Variants in MAPK10 observed in about 807,000 individuals in gnomAD.
MAPK10 encodes the protein JNK3 alpha protein kinase.
Under a neutral mutation model 59.3 loss-of-function variants are expected in MAPK10, and 25 were observed. The ratio of observed to expected loss-of-function variants is 0.42; its 90% CI spans 0.31 to 0.59. The LOEUF (loss-of-function observed/expected upper bound fraction) is 0.59, where lower values mean the gene tolerates loss of function less well. MAPK10 is among the 20% of genes least tolerant of loss of function. The pLI, the probability that MAPK10 is intolerant of heterozygous loss-of-function variation, is 0.15. For missense variants in MAPK10, 351 were observed against 568.9 expected (o/e 0.62, Z 3.90); for synonymous variants, 190 against 200.5 (o/e 0.95, Z 0.44).
At chr4:86,289,369 A>G (rs1427425789) in intron 2 of MAPK10, among the ~76,000 whole-genome samples, 2 of 152,094 alleles carry the variant, frequency 1.3e-5, no homozygotes, top group Admixed American at 1.3e-4. Flanking sequence ...CAGAAAAATT[A>G]TATGATCAGA....
chr4:86,505,134 C>T lies in MAPK10; in HGVS notation c.-263+88776G>A, dbSNP rs1390323753. On this transcript the variant is annotated intron_variant, in intron 1 of 4. Transcript: ENST00000502302. ...CTTCACCTGTTTCTGGAACTTTTCCCTGGCTAGCCAACAGCACATTCTTAT... is the reference window on the plus strand; with the variant it reads ...CTTCACCTGTTTCTGGAACTTTTCCTTGGCTAGCCAACAGCACATTCTTAT... Among the ~76,000 whole-genome samples the T allele has an allele frequency of 3.9e-5, 6 of 152,144 alleles. No homozygotes were observed. The East Asian group carries it at 1.2e-3, about 29-fold the overall frequency.
intron 3 of MAPK10, among the ~76,000 whole-genome samples, chr4:86,186,784 G>A (rs1903363): frequency 0.085 from 12,905 of 152,118 alleles, 1,216 homozygotes; most frequent in African/African-American, 0.23. Flanking sequence ...TGACAACAGG[G>A]TTAAGTTAGA....
chr4:86,417,138 T>C (rs567450829), intron 1 of MAPK10, among the ~76,000 whole-genome samples: 1 of 152,374 alleles, frequency 6.6e-6, no homozygotes, highest in Non-Finnish European at 1.5e-5. Flanking sequence ...TCAATTTTCT[T>C]TCTCTTTTAT....
intron 4 of MAPK10, among the ~76,000 whole-genome samples, chr4:86,127,182 A>G (rs1365821179): frequency 7.1e-6 from 1 of 140,218 alleles, no homozygotes; most frequent in African/African-American, 2.7e-5. Context: ...TAAAGTTGTT[A>G]GGAGAATTAA....
intron 8 of MAPK10, chr4:86,099,769 G>A (rs566307639): frequency 6.6e-6 from 1 of 152,294 alleles, no homozygotes; most frequent in South Asian, 2.1e-4. Flanking sequence ...GTACATTCTT[G>A]ATTCTTGACT....
chr4:86,150,797 G>C (rs1026159886), intron 4 of MAPK10, among the ~76,000 whole-genome samples: 3 of 152,194 alleles, frequency 2.0e-5, no homozygotes, highest in Admixed American at 6.5e-5. Flanking sequence ...GGGAGGTGGA[G>C]CTTGCAGTGA....
chr4:86,118,163 G>A (rs73837408), intron 4 of MAPK10, among the ~76,000 whole-genome samples: 7,498 of 152,254 alleles, frequency 0.049, 617 homozygotes, highest in African/African-American at 0.17. Context: ...TAATTCCTCA[G>A]TGATTACTGG....
At chr4:86,117,185 G>C (rs1211080442) in intron 4 of MAPK10, among the ~76,000 whole-genome samples, 1 of 152,188 alleles carries the variant, frequency 6.6e-6, no homozygotes, top group Non-Finnish European at 1.5e-5. Flanking sequence ...GAGGCAGGAG[G>C]ATTGCTTGAG....
Position 86,565,718 on chromosome 4 carries a change from T to C in MAPK10, c.-263+28192A>G, listed in dbSNP as rs77466723. ...TTAGATTTAGCTTGCATACAATATT[T>C]TGTGCTTATCTCAACTCCATCTTCC... On this transcript the variant is annotated intron_variant, in intron 1 of 4. Transcript: ENST00000502302. 1.1e-4 allele frequency among the ~76,000 whole-genome samples: 17 copies of C among 152,350 alleles called. No homozygotes were observed. In the East Asian group the frequency reaches 3.1e-3, roughly 28 times the overall value.
intron 2 of MAPK10, among the ~76,000 whole-genome samples, chr4:86,198,839 G>A (rs1313374125): frequency 6.6e-6 from 1 of 151,664 alleles, no homozygotes; most frequent in Non-Finnish European, 1.5e-5. Context: ...AAAATTTATT[G>A]AGAATCTATA....
chr4:86,412,366 T>G (rs751867570), intron 1 of MAPK10, among the ~76,000 whole-genome samples: 2 of 152,194 alleles, frequency 1.3e-5, no homozygotes, highest in African/African-American at 2.4e-5. Flanking sequence ...GTGAATCTGA[T>G]GATTATGTGT....
intron 1 of MAPK10, among the ~76,000 whole-genome samples, chr4:86,482,957 T>C (rs867219352): frequency 2.2e-4 from 34 of 152,306 alleles, no homozygotes; most frequent in African/African-American, 7.5e-4. Context: ...AAAGAGCTGA[T>C]TGTAGGATTT....
At chr4:86,181,235 A>G (rs2076874936) in intron 3 of MAPK10, among the ~76,000 whole-genome samples, 1 of 152,022 alleles carries the variant, frequency 6.6e-6, no homozygotes, top group South Asian at 2.1e-4. Flanking sequence ...GAATGGTAAA[A>G]TCAATAATCA....
intron 13 of MAPK10, among the ~76,000 whole-genome samples, chr4:86,022,954 C>A (rs1034788957): frequency 2.6e-5 from 4 of 152,110 alleles, no homozygotes; most frequent in Non-Finnish European, 5.9e-5. Flanking sequence ...TATGAAATAG[C>A]ATTTATCTGT....
At chr4:86,369,816 C>A (rs1042704729) in intron 1 of MAPK10, among the ~76,000 whole-genome samples, 4 of 152,154 alleles carry the variant, frequency 2.6e-5, no homozygotes, top group Non-Finnish European at 5.9e-5. Flanking sequence ...TGCATAAATA[C>A]TTTCAAAGCT....
intron 4 of MAPK10, chr4:86,127,837 T>C (rs1221676591): frequency 6.6e-5 from 10 of 152,158 alleles, no homozygotes; most frequent in Admixed American, 6.6e-4. Flanking sequence ...GCATTCATTT[T>C]AGCAGAGATC....
intron 3 of MAPK10, chr4:86,160,470 C>T (rs1197351362): frequency 6.6e-6 from 1 of 151,952 alleles, no homozygotes; most frequent in Non-Finnish European, 1.5e-5. Context: ...GAAAATTAAA[C>T]AATCTATGCC....
chr4:86,187,561 A>G (rs2078554865), intron 3 of MAPK10, among the ~76,000 whole-genome samples: 1 of 152,174 alleles, frequency 6.6e-6, no homozygotes, highest in African/African-American at 2.4e-5. Flanking sequence ...GAAACCACAG[A>G]TAAGGGGGGA....
At chr4:86,372,145 T>C (rs1738863573) in intron 1 of MAPK10, among the ~76,000 whole-genome samples, 1 of 152,066 alleles carries the variant, frequency 6.6e-6, no homozygotes, top group Non-Finnish European at 1.5e-5. Flanking sequence ...AAAACACTCC[T>C]CAACAAATGC....
Sources: gnomAD v4.1 joint callset for allele counts (sites outside exome capture counted in the v4.1 genomes callset) on GRCh38, gnomAD v4.1.1 for gene constraint, MANE v1.5 for transcripts, NCBI Gene and HGNC (gene_info 2026-07-23, HGNC 2026-07-21) for gene names.